Variants in OTOG observed in about 807,000 individuals in gnomAD.
OTOG encodes the protein otogelin.
OTOG carries 296 observed loss-of-function variants against 313.8 expected under a neutral mutation model. That is an observed-to-expected ratio of 0.94 (90% CI 0.86 to 1.04). The LOEUF (loss-of-function observed/expected upper bound fraction) is 1.04. OTOG is among the 50% of genes least tolerant of loss of function. The pLI, the probability that OTOG is intolerant of heterozygous loss-of-function variation, is 0.00. For missense variants in OTOG, 3,948 were observed against 3,840.1 expected, an observed-to-expected ratio of 1.03 and a Z score of -0.74; for synonymous variants, 1,533 against 1,554.9, an observed-to-expected ratio of 0.99 and a Z score of 0.33.
At position 17,573,270 on chromosome 11, in the gene OTOG, G is replaced by T. The variant is rs748283428; in HGVS notation, c.2273G>T (p.Arg758Leu). The change falls in exon 19 of 56, where the codon CGC (arginine) becomes CTC (leucine). Residue 758 changes from arginine to leucine, a missense_variant. Arg to Leu is a moderately radical substitution (Grantham distance 102). Coordinates refer to ENST00000399397, the MANE Select transcript of OTOG (RefSeq NM_001292063.2). ...CRRHGLPVDF[R>L]ARLPACALSC... ...CGCCATGGGCTCCCCGTTGATTTCC[G>T]CGCCCGCCTGCCAGCCTGTGGTGAG... 5.9e-6 allele frequency: 9 copies of T among 1,528,272 alleles called. No homozygotes were observed. Among genetic ancestry groups the T allele is most frequent in the Non-Finnish European group, 7.9e-6 (9 of 1,141,420 alleles). 94.7% of individuals were successfully genotyped at this position (1,528,272 alleles called of 1,614,324 possible).
intron 30 of OTOG, among the ~76,000 whole-genome samples, chr11:17,598,902 G>A (rs1053601424): frequency 3.9e-5 from 6 of 152,218 alleles, no homozygotes; most frequent in Admixed American, 2.6e-4. Context: ...GACCCCAGAT[G>A]CATTGACCTT....
chr11:17,633,618 C>T lies in OTOG; in HGVS notation c.7073-62C>T, dbSNP rs1234724691. The T allele has an allele frequency of 2.1e-6, 3 of 1,425,620 alleles. No individual in the cohort carries two copies. The East Asian group carries it at 7.5e-5, about 36-fold the overall frequency. 88.3% of individuals were successfully genotyped at this position (1,425,620 alleles called of 1,614,324 possible). A position where few individuals can be genotyped will look rare whatever the true frequency, so the allele number is the denominator to read the frequency against. ...TCCTCATCCCCTCCTGTTCTTTCGG[C>T]CCTCAGTGGGGAGCCCTGCCTGGGG... On this transcript the variant is annotated intron_variant, in intron 42 of 55. Coordinates refer to ENST00000399397, the MANE Select transcript of OTOG (RefSeq NM_001292063.2).
At chr11:17,549,022 C>T (rs1036181071) in intron 3 of OTOG, among the ~76,000 whole-genome samples, 5 of 152,152 alleles carry the variant, frequency 3.3e-5, no homozygotes, top group African/African-American at 1.2e-4. Context: ...CGGCCTCTAT[C>T]CTTTGAGTCT....
In OTOG at chr11:17,635,913, G is replaced by A. The variant is rs116517987; in HGVS notation, c.7795+202G>A. ...AGGCTGTCAGGCTGGAGGGTGGGAG[G>A]TCCAGGCCTGTCCCCTCCATGGAGG... is the stretch of plus-strand genomic sequence containing the variant. On this transcript the variant is annotated intron_variant, in intron 47 of 55. Transcript: ENST00000399397. Among the ~76,000 whole-genome samples, 1,096 of 152,296 alleles carry A rather than the reference G, an allele frequency of 7.2e-3. 7 individuals carry two copies. Among genetic ancestry groups the A allele is most frequent in the African/African-American group, 0.022 (929 of 41,564 alleles).
chr11:17,633,960 A>G (rs973920999), intron 43 of OTOG, 86 bp downstream of exon 43: 18 of 1,478,424 alleles, frequency 1.2e-5, no homozygotes, highest in African/African-American at 1.4e-5. Context: ...TCCCATCTGC[A>G]TCCTTTCAGG....
intron 30 of OTOG, 51 bp from the exon 31 acceptor site, chr11:17,599,618 CTG>C (rs1853195683): frequency 6.5e-6 from 10 of 1,543,872 alleles, no homozygotes; most frequent in Non-Finnish European, 8.8e-6. Flanking sequence ...CTCTGTCTGT[CTG>C]TTCCAGGCTC....
intron 15 of OTOG, among the ~76,000 whole-genome samples, chr11:17,563,854 G>GTTTTTTTT (rs61373849): frequency 2.8e-5 from 3 of 106,616 alleles, no homozygotes; most frequent in African/African-American, 4.0e-5. Flanking sequence ...CTAGTTTTTG[G>GTTTTTTTT]TTTTTTTTTT....
At chr11:17,636,528 G>A (rs1288171558) in intron 47 of OTOG, among the ~76,000 whole-genome samples, 1 of 152,134 alleles carries the variant, frequency 6.6e-6, no homozygotes, top group Non-Finnish European at 1.5e-5. Context: ...TCAATGTGAA[G>A]AGCCACCTCC....
chr11:17,595,384 T>C (rs1414240488), intron 28 of OTOG, among the ~76,000 whole-genome samples: 4 of 152,014 alleles, frequency 2.6e-5, no homozygotes, highest in African/African-American at 9.7e-5. Flanking sequence ...ATCGGAAACA[T>C]CTGTATTAGT....
intron 28 of OTOG, 47 bp downstream of exon 28, chr11:17,594,213 C>A: frequency 6.5e-7 from 1 of 1,549,754 alleles, no homozygotes; most frequent in Non-Finnish European, 8.7e-7. Context: ...CTCAGATGGG[C>A]GCTGCCAGCA....
intron 15 of OTOG, among the ~76,000 whole-genome samples, chr11:17,564,848 G>A (rs1041959039): frequency 6.6e-6 from 1 of 152,206 alleles, no homozygotes; most frequent in East Asian, 1.9e-4. Flanking sequence ...CAGCCAGCAG[G>A]AGGCAGAGCT....
intron 7 of OTOG, 67 bp downstream of exon 7, chr11:17,555,964 A>T: frequency 7.9e-7 from 1 of 1,257,940 alleles, no homozygotes; most frequent in Non-Finnish European, 1.1e-6. Flanking sequence ...ATGGGTGAGC[A>T]TCCGCTCTTC....
At chr11:17,608,476 A>T in intron 34 of OTOG, 63 bp downstream of exon 34, 1 of 1,131,744 alleles carries the variant, frequency 8.8e-7, no homozygotes, top group Non-Finnish European at 1.2e-6. Flanking sequence ...GTGTGCACTC[A>T]CATACACTTG....
chr11:17,593,684 C>A lies in OTOG; in HGVS notation c.3216C>A (p.Phe1072Leu). ...WRVGFFTLVH[F>L]PQEHITLLWD... is the part of the protein sequence containing the mutation. The stretch of plus-strand genomic sequence containing the variant: ...TGGGATTTTTCACACTGGTGCATTT[C>A]CCACAGGAGCACATCACCCTCTTGT... The change falls in exon 27 of 56, where the codon TTC becomes TTA. Residue 1072 changes from phenylalanine (F) to leucine (L), a missense_variant. Phe to Leu is a conservative substitution (Grantham distance 22, BLOSUM62 0). Transcript: ENST00000399397. 6.5e-7 allele frequency: 1 copy of A among 1,549,070 alleles called. No individual in the cohort carries two copies.
chr11:17,605,777 G>A, intron 32 of OTOG, 80 bp from the exon 33 acceptor site: 1 of 1,429,334 alleles, frequency 7.0e-7, no homozygotes, highest in South Asian at 1.4e-5. Flanking sequence ...CGCTGAGAGA[G>A]CAGATGTGTG....
At chr11:17,621,636 C>G (rs1853867297) in intron 39 of OTOG, among the ~76,000 whole-genome samples, 1 of 152,148 alleles carries the variant, frequency 6.6e-6, no homozygotes, top group Non-Finnish European at 1.5e-5. Context: ...CAAACTCTAG[C>G]TACCTTGGCC....
At chr11:17,562,881 G>A (rs1852219470) in intron 15 of OTOG, among the ~76,000 whole-genome samples, 1 of 152,154 alleles carries the variant, frequency 6.6e-6, no homozygotes, top group Non-Finnish European at 1.5e-5. Context: ...CTTGGAGACT[G>A]GGATGAATTA....
intron 31 of OTOG, among the ~76,000 whole-genome samples, chr11:17,601,393 C>T (rs1176937658): frequency 2.1e-5 from 3 of 146,196 alleles, no homozygotes; most frequent in South Asian, 2.3e-4. Context: ...GTGGGTGGAA[C>T]GGTGTGATGA....
At chr11:17,558,764 A>G in intron 10 of OTOG, 120 bp downstream of exon 10, 2 of 1,103,176 alleles carry the variant, frequency 1.8e-6, no homozygotes, top group Non-Finnish European at 2.6e-6. Flanking sequence ...AGGCTCTGAA[A>G]TTCTTATCTG....
Sources: gnomAD v4.1 joint callset for allele counts (sites outside exome capture counted in the v4.1 genomes callset) on GRCh38, gnomAD v4.1.1 for gene constraint, MANE v1.5 for transcripts, NCBI Gene and HGNC (gene_info 2026-07-23, HGNC 2026-07-21) for gene names.